Variants in AGTPBP1 observed in about 807,000 individuals in gnomAD.
AGTPBP1 encodes the protein ATP/GTP binding carboxypeptidase 1.
Under a neutral mutation model 143.9 loss-of-function variants are expected in AGTPBP1, and 70 were observed. The observed-to-expected ratio is 0.49, with a 90% confidence interval of 0.40 to 0.59. AGTPBP1 has a LOEUF of 0.59. AGTPBP1 is among the 20% of genes least tolerant of loss of function. The pLI, the probability that AGTPBP1 is intolerant of heterozygous loss-of-function variation, is 0.00. For missense variants in AGTPBP1, 1,229 were observed against 1,464.5 expected, an observed-to-expected ratio of 0.84 and a Z score of 2.62; for synonymous variants, 463 against 500.2, an observed-to-expected ratio of 0.93 and a Z score of 0.99.
upstream of AGTPBP1, among the ~76,000 whole-genome samples, chr9:85,743,926 CTTTTTT>C (rs10576766): frequency 7.6e-6 from 1 of 132,444 alleles, no homozygotes. Flanking sequence ...CTTTTTCTTT[CTTTTTT>C]TTTTTTTTTT....
At chr9:85,619,798 T>A (rs1412462332) in intron 15 of AGTPBP1, among the ~76,000 whole-genome samples, 1 of 152,172 alleles carries the variant, frequency 6.6e-6, no homozygotes, top group African/African-American at 2.4e-5. Context: ...CAGATACTGT[T>A]TGAGACATAT....
chr9:85,669,498 A>G lies in AGTPBP1; in HGVS notation c.649T>C (p.Ser217Pro), dbSNP rs759609238. ...ACATTTACTCACTTTATAAGACTGG[A>G]ATTCTTCTTACTAAATGGTCCAATG... ...KIIGPFSKKNSSLIKVALDTL... is the reference protein window; with the variant it reads ...KIIGPFSKKNPSLIKVALDTL... The change falls in exon 8 of 26, where the codon TCC (serine) becomes CCC (proline). Residue 217 changes from serine (S) to proline (P), a missense_variant. Physicochemically the swap from Ser to Pro is moderately conservative, Grantham distance 74. Transcript: ENST00000357081. 43 of 1,606,674 alleles carry G rather than the reference A, an allele frequency of 2.7e-5. 1 individual carries two copies. In the East Asian group the frequency reaches 9.2e-4, roughly 34 times the overall value.
the AGTPBP1 span, chr9:85,756,198 C>T: frequency 6.2e-7 from 1 of 1,608,446 alleles, no homozygotes; most frequent in Non-Finnish European, 8.5e-7. Context: ...AAGAAGGAGG[C>T]TCTGTTACAG....
chr9:85,595,142 A>C (rs574498142), intron 18 of AGTPBP1, among the ~76,000 whole-genome samples: 1 of 152,220 alleles, frequency 6.6e-6, no homozygotes, highest in Non-Finnish European at 1.5e-5. Context: ...AAGAAATCTT[A>C]CTGAGATGAA....
the AGTPBP1 span, among the ~76,000 whole-genome samples, chr9:85,783,273 G>A: frequency 1.3e-5 from 2 of 152,106 alleles, no homozygotes; most frequent in African/African-American, 2.4e-5. Flanking sequence ...CAGCTAATTT[G>A]CTATTCTACC....
At chr9:85,719,405 G>A (rs1405722013) in intron 1 of AGTPBP1, among the ~76,000 whole-genome samples, 3 of 152,072 alleles carry the variant, frequency 2.0e-5, no homozygotes, top group East Asian at 1.9e-4. Flanking sequence ...TGGATTCCTA[G>A]GTATTTTATT....
rs1490599824 is a variant in AGTPBP1 at position 85,579,009 on chromosome 9, C to A, written c.3253G>T (p.Ala1085Ser). The change falls in exon 24 of 26, where the codon GCA becomes TCA. Residue 1085 changes from alanine to serine, a missense_variant. By Grantham distance (99) the Ala-to-Ser change is moderately conservative. Transcript: ENST00000357081. Reference sequence around the variant, plus strand: ...ATTTCCCTCCAAACTACAACACGTGCTGTGGATTCTTTAGATTTTTCCACT... The same window carrying A: ...ATTTCCCTCCAAACTACAACACGTGATGTGGATTCTTTAGATTTTTCCACT... ...FVVEKSKEST[A>S]RVVVWREIGV... 6.2e-7 allele frequency: 1 copy of A among 1,611,996 alleles called. No individual in the cohort carries two copies. Among genetic ancestry groups the A allele is most frequent in the East Asian group, 2.2e-5 (1 of 44,652 alleles).
chr9:85,575,940 T>C (rs946257756), intron 24 of AGTPBP1, among the ~76,000 whole-genome samples: 3 of 152,146 alleles, frequency 2.0e-5, no homozygotes, highest in Non-Finnish European at 2.9e-5. Flanking sequence ...ATAAGAGAAA[T>C]TGATCAGTAA....
At chr9:85,555,816 T>C (rs1051735815) in intron 25 of AGTPBP1, among the ~76,000 whole-genome samples, 2 of 152,078 alleles carry the variant, frequency 1.3e-5, no homozygotes, top group Non-Finnish European at 1.5e-5. Flanking sequence ...TAAGCAGACA[T>C]GCACTAAAAG....
At chr9:85,755,319 T>C in the AGTPBP1 span, among the ~76,000 whole-genome samples, 1 of 152,198 alleles carries the variant, frequency 6.6e-6, no homozygotes, top group Non-Finnish European at 1.5e-5. Context: ...CTTGGTAGAG[T>C]TCCTTTTAAA....
At chr9:85,634,549 C>T (rs1738534363) in intron 13 of AGTPBP1, among the ~76,000 whole-genome samples, 1 of 152,132 alleles carries the variant, frequency 6.6e-6, no homozygotes, top group African/African-American at 2.4e-5. Context: ...GATTGGAAGC[C>T]ATGACAGGGA....
chr9:85,638,102 T>G (rs890244593), intron 13 of AGTPBP1, among the ~76,000 whole-genome samples: 1 of 147,018 alleles, frequency 6.8e-6, no homozygotes, highest in Non-Finnish European at 1.5e-5. Context: ...CGTTACTGCT[T>G]TGCTTTTTAT....
In AGTPBP1 at chr9:85,690,075, C is replaced by T. The variant is rs117075570; in HGVS notation, c.157+2614G>A. 3.4e-3 allele frequency among the ~76,000 whole-genome samples: 513 copies of T among 151,696 alleles called. 3 individuals are homozygous for T. The highest frequency in any genetic ancestry group is 0.024 in the East Asian group (125 of 5,172). ...ACACCTCCAACAGTGTATGAGAGTA[C>T]CCTCTCCCCGTGCCTTCAACAGCAC... On this transcript the variant is annotated intron_variant, in intron 3 of 25. Transcript: ENST00000357081.
chr9:85,702,698 A>G (rs1286972128), intron 2 of AGTPBP1, among the ~76,000 whole-genome samples: 1 of 151,078 alleles, frequency 6.6e-6, no homozygotes, highest in Non-Finnish European at 1.5e-5. Flanking sequence ...TACTCATTGA[A>G]TGAGCTGAAT....
intron 1 of AGTPBP1, among the ~76,000 whole-genome samples, chr9:85,735,847 G>T (rs937286348): frequency 6.6e-6 from 1 of 151,980 alleles, no homozygotes; most frequent in African/African-American, 2.4e-5. Flanking sequence ...AAATCCCTCT[G>T]GCTGACTTTA....
chr9:85,671,279 TA>T (rs1834466436), intron 7 of AGTPBP1, among the ~76,000 whole-genome samples: 1 of 152,196 alleles, frequency 6.6e-6, no homozygotes, highest in Non-Finnish European at 1.5e-5. Context: ...TTTTATTTTT[TA>T]AATCAACTGC....
intron 25 of AGTPBP1, among the ~76,000 whole-genome samples, chr9:85,555,846 AAC>A (rs940467480): frequency 6.6e-6 from 1 of 152,218 alleles, no homozygotes; most frequent in Non-Finnish European, 1.5e-5. Flanking sequence ...CTTAAACCAA[AAC>A]ACAGAAATAG....
the AGTPBP1 span, among the ~76,000 whole-genome samples, chr9:85,750,440 C>CTA: frequency 1.4e-4 from 21 of 152,210 alleles, no homozygotes; most frequent in Admixed American, 6.5e-5. Context: ...CACCTCTCTT[C>CTA]TATCCATGTC....
chr9:85,786,231 C>T, the AGTPBP1 span: 30 of 1,601,860 alleles, frequency 1.9e-5, no homozygotes, highest in Admixed American at 5.0e-5. Context: ...CAGCAAGCAG[C>T]TTAAGAACAC....
Sources: allele counts gnomAD v4.1 joint callset (sites outside exome capture counted in the v4.1 genomes callset), GRCh38; gene constraint gnomAD v4.1.1; transcripts MANE v1.5; gene names NCBI Gene and HGNC (gene_info 2026-07-23, HGNC 2026-07-21).